The following CACNG5 variants were observed in gnomAD, a reference collection of about 807,000 sequenced individuals.
CACNG5 encodes voltage-dependent calcium channel gamma-5 subunit.
Under a neutral mutation model 24.8 loss-of-function variants are expected in CACNG5, and 18 were observed. The ratio of observed to expected loss-of-function variants is 0.73; its 90% CI spans 0.50 to 1.08. The LOEUF (loss-of-function observed/expected upper bound fraction) is 1.08, where lower values mean the gene tolerates loss of function less well. Ranked by LOEUF, CACNG5 falls within the 50% of genes least tolerant of loss-of-function variation. The probability of loss-of-function intolerance (pLI) is 0.00; values close to 1 mark genes in which losing one functional copy is unlikely to be tolerated. For missense variants in CACNG5, 349 were observed against 367.9 expected (o/e 0.95, Z 0.42); for synonymous variants, 157 against 149.1 (o/e 1.05, Z -0.39).
chr17:66,850,698 C>T (rs1421513922), intron 1 of CACNG5, among the ~76,000 whole-genome samples: 2 of 152,076 alleles, frequency 1.3e-5, no homozygotes, highest in African/African-American at 4.8e-5. Context: ...GCAGGTTTTC[C>T]TCCTCTCCTC....
At chr17:66,858,939 G>A (rs1330428193) in intron 1 of CACNG5, among the ~76,000 whole-genome samples, 1 of 152,184 alleles carries the variant, frequency 6.6e-6, no homozygotes, top group Non-Finnish European at 1.5e-5. Context: ...GCACAGCCTT[G>A]TGGTGACAGC....
chr17:66,842,364 G>C (rs1183565268), intron 1 of CACNG5, among the ~76,000 whole-genome samples: 1 of 152,192 alleles, frequency 6.6e-6, no homozygotes, highest in African/African-American at 2.4e-5. Flanking sequence ...ACTGTCAGGA[G>C]GGTTTGTGGT....
rs1340250513 is a variant in CACNG5, at chr17:66,884,878, G to A, written c.571-105G>A. 31 of 1,613,270 alleles carry A rather than the reference G, an allele frequency of 1.9e-5. No homozygotes were observed. The Middle Eastern group carries it at 4.9e-4, about 26-fold the overall frequency. Reference sequence around the variant, plus strand: ...CCCAGGACCCTGCTCCTGTCCCCACGTCCACTTCCCACCCCACTCGAGCTG... The same window carrying A: ...CCCAGGACCCTGCTCCTGTCCCCACATCCACTTCCCACCCCACTCGAGCTG... On this transcript the variant is annotated intron_variant, in intron 5 of 5. Transcript: ENST00000533854.
At chr17:66,865,854 G>T (rs937134859) in intron 1 of CACNG5, among the ~76,000 whole-genome samples, 1 of 150,182 alleles carries the variant, frequency 6.7e-6, no homozygotes, top group Non-Finnish European at 1.5e-5. Context: ...TGTTAGCCAG[G>T]ATGGTCTCGA....
intron 1 of CACNG5, among the ~76,000 whole-genome samples, chr17:66,871,847 G>A (rs1250036541): frequency 6.6e-6 from 1 of 152,102 alleles, no homozygotes; most frequent in African/African-American, 2.4e-5. Flanking sequence ...GTGACAGAGC[G>A]AGACTCCATC....
At chr17:66,876,121 G>C (rs1977074572) in intron 1 of CACNG5, among the ~76,000 whole-genome samples, 1 of 152,216 alleles carries the variant, frequency 6.6e-6, no homozygotes, top group African/African-American at 2.4e-5. Flanking sequence ...TTTCTAACCA[G>C]CTGCATGGTG....
chr17:66,851,818 T>A (rs1269967348), intron 1 of CACNG5, among the ~76,000 whole-genome samples: 4 of 152,102 alleles, frequency 2.6e-5, no homozygotes, highest in African/African-American at 9.7e-5. Flanking sequence ...CAAATATGGG[T>A]GACTTTCTGG....
chr17:66,856,909 A>G (rs1479259794), intron 1 of CACNG5, among the ~76,000 whole-genome samples: 1 of 151,694 alleles, frequency 6.6e-6, no homozygotes, highest in Non-Finnish European at 1.5e-5. Flanking sequence ...GACCCTAACA[A>G]CCACTAATCT....
chr17:66,884,683 A>C (rs751083029), intron 5 of CACNG5, 22 bp downstream of exon 5: 3 of 1,614,190 alleles, frequency 1.9e-6, no homozygotes, highest in Non-Finnish European at 2.5e-6. Context: ...CACCCTAAGT[A>C]TGGATAGGCT....
Position 66,893,007 on chromosome 17 carries a change from A to G in CACNG5, c.*7767A>G, listed in dbSNP as rs1977365472. On this transcript the variant is annotated 3_prime_UTR_variant, in exon 6 of 6. Coordinates refer to ENST00000533854, the MANE Select transcript of CACNG5 (RefSeq NM_145811.3). ...ACATCATGACCACCAACATGCATCT[A>G]AAGTCCTTATCAGAGTCCTTGGCAC... 6.6e-6 allele frequency among the ~76,000 whole-genome samples: 1 copy of G among 152,194 alleles called. No homozygotes were observed. The highest frequency in any genetic ancestry group is 2.1e-4 in the South Asian group (1 of 4,832).
At chr17:66,840,735 T>G (rs1976554608) in intron 1 of CACNG5, among the ~76,000 whole-genome samples, 1 of 152,146 alleles carries the variant, frequency 6.6e-6, no homozygotes, top group Non-Finnish European at 1.5e-5. Context: ...TCCTCCTGTG[T>G]GGGGATGTCT....
intron 1 of CACNG5, among the ~76,000 whole-genome samples, chr17:66,844,079 C>T (rs750838311): frequency 1.3e-5 from 2 of 152,092 alleles, no homozygotes; most frequent in African/African-American, 2.4e-5. Flanking sequence ...CATGGGTCAC[C>T]GGTGTTCTCT....
intron 1 of CACNG5, among the ~76,000 whole-genome samples, chr17:66,865,329 G>A (rs1426116252): frequency 6.6e-6 from 1 of 151,022 alleles, no homozygotes; most frequent in African/African-American, 2.4e-5. Flanking sequence ...TTGCACAAGT[G>A]GTGATGATGC....
intron 1 of CACNG5, among the ~76,000 whole-genome samples, chr17:66,849,255 T>C (rs1464935339): frequency 6.6e-6 from 1 of 151,680 alleles, no homozygotes; most frequent in African/African-American, 2.4e-5. Flanking sequence ...GATGGATGCA[T>C]TGTTGTGGGG....
At chr17:66,868,116 G>A (rs1976954345) in intron 1 of CACNG5, among the ~76,000 whole-genome samples, 1 of 152,146 alleles carries the variant, frequency 6.6e-6, no homozygotes, top group African/African-American at 2.4e-5. Context: ...TTCAATAAAG[G>A]CACCGTCAGC....
chr17:66,850,811 G>A (rs1413135227), intron 1 of CACNG5, among the ~76,000 whole-genome samples: 1 of 152,112 alleles, frequency 6.6e-6, no homozygotes, highest in African/African-American at 2.4e-5. Flanking sequence ...TCTAGTTTTG[G>A]CAACAGAGTA....
intron 1 of CACNG5, among the ~76,000 whole-genome samples, chr17:66,847,896 G>T (rs531866745): frequency 1.7e-4 from 26 of 152,328 alleles, no homozygotes; most frequent in African/African-American, 5.8e-4. Context: ...ACAGCACCAA[G>T]GCCAGCTCCC....
rs1977300287 is a variant in CACNG5, at chr17:66,888,752, G to A, written c.*3512G>A. On this transcript the variant is annotated 3_prime_UTR_variant, in exon 6 of 6. Coordinates refer to ENST00000533854, the MANE Select transcript of CACNG5 (RefSeq NM_145811.3). ...CTGTGTGTGGGAGAAGTTTATGGCA[G>A]GGTTGGAAAGTCTCTGGTCAGAGAA... 1.3e-5 allele frequency among the ~76,000 whole-genome samples: 2 copies of A among 151,972 alleles called. No individual in the cohort carries two copies. The highest frequency in any genetic ancestry group is 6.6e-5 in the Admixed American group (1 of 15,260).
In CACNG5 at chr17:66,884,867, C is replaced by T. The variant is rs2143132618; in HGVS notation, c.571-116C>T. 5.0e-6 allele frequency: 8 copies of T among 1,613,426 alleles called. No individual in the cohort carries two copies. The East Asian group carries it at 1.6e-4, about 31-fold the overall frequency. On this transcript the variant is annotated intron_variant, in intron 5 of 5. Coordinates refer to ENST00000533854, the MANE Select transcript of CACNG5 (RefSeq NM_145811.3). ...GCCAGGATGTCCCCAGGACCCTGCT[C>T]CTGTCCCCACGTCCACTTCCCACCC...
Sources: gnomAD v4.1 joint callset for allele counts (sites outside exome capture counted in the v4.1 genomes callset) on GRCh38, gnomAD v4.1.1 for gene constraint, MANE v1.5 for transcripts, NCBI Gene and HGNC (gene_info 2026-07-23, HGNC 2026-07-21) for gene names.